The following EPHA8 variants were observed in gnomAD, a reference collection of about 807,000 sequenced individuals.
EPHA8 encodes the protein ephrin type-A receptor 8.
EPHA8 carries 58 observed loss-of-function variants against 103.6 expected under a neutral mutation model. The ratio of observed to expected loss-of-function variants is 0.56; its 90% CI spans 0.45 to 0.70. The LOEUF is 0.70. EPHA8 is among the 30% of genes least tolerant of loss of function. The pLI, the probability that EPHA8 is intolerant of heterozygous loss-of-function variation, is 0.00. For missense variants in EPHA8, 1,304 were observed against 1,395.2 expected, an observed-to-expected ratio of 0.93 and a Z score of 1.04; for synonymous variants, 559 against 572.5, an observed-to-expected ratio of 0.98 and a Z score of 0.34.
Position 22,579,138 on chromosome 1 carries a change from TGTGC to T in EPHA8, c.823+2259_823+2262del, listed in dbSNP as rs1285334127. 1.0e-3 allele frequency among the ~76,000 whole-genome samples: 155 copies of T among 151,858 alleles called. 3 individuals are homozygous for T. The East Asian group carries it at 0.024, about 24-fold the overall frequency. On this transcript the variant is annotated intron_variant, in intron 3 of 16. Transcript: ENST00000166244. ...GTGTACGTGTATGTGTGCATGTGTG[TGTGC>T]ATATGTGCAAGAGTGTATGTATGCA... is the stretch of plus-strand genomic sequence containing the variant.
At chr1:22,572,301 C>G (rs545525891) in intron 2 of EPHA8, among the ~76,000 whole-genome samples, 7 of 152,362 alleles carry the variant, frequency 4.6e-5, no homozygotes, top group Middle Eastern at 3.4e-3. Context: ...AGATTACTTA[C>G]TTCGCCTCCA....
intron 2 of EPHA8, among the ~76,000 whole-genome samples, chr1:22,570,382 A>ACG (rs201751155): frequency 1.3e-4 from 12 of 91,792 alleles, no homozygotes; most frequent in Non-Finnish European, 2.1e-4. Context: ...GCGTACACAC[A>ACG]CGCGCGCGCG....
chr1:22,570,825 C>T (rs1640523600), intron 2 of EPHA8, among the ~76,000 whole-genome samples: 1 of 152,232 alleles, frequency 6.6e-6, no homozygotes, highest in Admixed American at 6.5e-5. Flanking sequence ...TTGAGGTGTC[C>T]CTTTACCTCC....
At chr1:22,575,999 A>G (rs535858749) in intron 2 of EPHA8, among the ~76,000 whole-genome samples, 2 of 151,894 alleles carry the variant, frequency 1.3e-5, no homozygotes, top group South Asian at 2.1e-4. Context: ...CAGAGCCTCT[A>G]CTTCCTCATC....
chr1:22,595,669 T>C (rs974690676), intron 8 of EPHA8, among the ~76,000 whole-genome samples: 54 of 152,144 alleles, frequency 3.5e-4, no homozygotes, highest in African/African-American at 1.3e-3. Context: ...CAGGATAGTG[T>C]GTGGGCTTGG....
chr1:22,589,078 G>T lies in EPHA8; in HGVS notation c.1187G>T (p.Ser396Ile), dbSNP rs1557572182. The T allele has an allele frequency of 2.5e-6, 4 of 1,613,456 alleles. No individual in the cohort carries two copies. Among genetic ancestry groups the T allele is most frequent in the Non-Finnish European group, 3.4e-6 (4 of 1,179,778 alleles). Residue 396 changes from serine (S) to isoleucine (I), a missense_variant, in exon 5 of 17, where the codon AGC (serine) becomes ATC (isoleucine). Physicochemically the swap from Ser to Ile is moderately radical, Grantham distance 142 (BLOSUM62 -2). Coordinates refer to ENST00000166244, the MANE Select transcript of EPHA8 (RefSeq NM_020526.5). This position sits in a 1 kb window ranked among gnomAD's most constrained non-coding sequence, Gnocchi z 4.3. ...VPQQTSLVQA[S>I]LLVANLLAHM... Reference sequence around the variant, plus strand: ...CAGCAGACAAGCCTGGTGCAGGCCAGCCTGCTGGTGGCCAACCTGCTGGCC... The same window carrying T: ...CAGCAGACAAGCCTGGTGCAGGCCATCCTGCTGGTGGCCAACCTGCTGGCC...
chr1:22,591,107 G>A (rs1320640197), intron 5 of EPHA8, among the ~76,000 whole-genome samples: 2 of 152,048 alleles, frequency 1.3e-5, no homozygotes, highest in Admixed American at 6.6e-5. Context: ...ATAGAAGTGA[G>A]GGCTGGGTGT....
intron 3 of EPHA8, among the ~76,000 whole-genome samples, chr1:22,583,750 G>A (rs1641111014): frequency 6.6e-6 from 1 of 152,214 alleles, no homozygotes; most frequent in African/African-American, 2.4e-5. Context: ...TAATGTCACT[G>A]AGCTCAGATA....
At chr1:22,587,463 C>T (rs1391392977) in intron 4 of EPHA8, among the ~76,000 whole-genome samples, 1 of 152,146 alleles carries the variant, frequency 6.6e-6, no homozygotes, top group African/African-American at 2.4e-5. Context: ...TGCATGTGCA[C>T]GTGCCCTGTG....
In EPHA8 at chr1:22,593,376, GTC is replaced by G; in HGVS notation, c.1369_1370del (p.Ser457AlafsTer17). The G allele has an allele frequency of 1.3e-6, 2 of 1,592,338 alleles. No individual in the cohort carries two copies. Among genetic ancestry groups the G allele is most frequent in the Non-Finnish European group, 1.7e-6 (2 of 1,169,956 alleles). ...IRQERAGQTSVSLLWQEPEQP... is the reference protein window; with the variant it reads ...IRQERAGQTSXSLLWQEPEQP... Reference sequence around the variant, plus strand: ...TCAAGAGCGGGCGGGGCAGACCAGCGTCTCGCTGCTGTGGCAGGAGCCCGAGC... The same window carrying G: ...TCAAGAGCGGGCGGGGCAGACCAGCGTCGCTGCTGTGGCAGGAGCCCGAGC... On this transcript the variant is annotated frameshift_variant, in exon 6 of 17. Coordinates refer to ENST00000166244, the MANE Select transcript of EPHA8 (RefSeq NM_020526.5). LOFTEE classifies it high-confidence loss of function.
chr1:22,594,040 C>T (rs974297312), intron 7 of EPHA8, among the ~76,000 whole-genome samples: 1 of 152,238 alleles, frequency 6.6e-6, no homozygotes, highest in African/African-American at 2.4e-5. Flanking sequence ...ACCATCTTGG[C>T]CAGGCTGGTC....
At position 22,601,417 on chromosome 1, in the gene EPHA8, C is replaced by G. The variant is rs565216451; in HGVS notation, c.2847C>G (p.Asp949Glu). ...CCATCCGCATGGGCCGGTACCGAGACCACTTCGCTGCGGGCGGATACTCCT... is the reference window on the plus strand; with the variant it reads ...CCATCCGCATGGGCCGGTACCGAGAGCACTTCGCTGCGGGCGGATACTCCT... Reference protein sequence around the residue: ...LDSIRMGRYRDHFAAGGYSSL... With the variant: ...LDSIRMGRYREHFAAGGYSSL... The change falls in exon 16 of 17, where the codon GAC (aspartate) becomes GAG (glutamate). Residue 949 changes from aspartate (D) to glutamate (E), a missense_variant. Physicochemically the swap from Asp to Glu is conservative, Grantham distance 45. Coordinates refer to ENST00000166244, the MANE Select transcript of EPHA8 (RefSeq NM_020526.5). 1.9e-6 allele frequency: 3 copies of G among 1,611,340 alleles called. No individual in the cohort carries two copies. The African/African-American group carries it at 4.0e-5, about 21-fold the overall frequency.
At chr1:22,578,306 G>C (rs901371421) in intron 3 of EPHA8, among the ~76,000 whole-genome samples, 4 of 150,684 alleles carry the variant, frequency 2.7e-5, no homozygotes, top group Non-Finnish European at 5.9e-5. Context: ...GTCTATGCCT[G>C]TGTGCATATG....
chr1:22,586,254 C>CCTCA (rs1641201833), intron 3 of EPHA8, among the ~76,000 whole-genome samples: 1 of 152,128 alleles, frequency 6.6e-6, no homozygotes, highest in Non-Finnish European at 1.5e-5. Flanking sequence ...AGGGTCTGAA[C>CCTCA]CTCAGCTCTG....
chr1:22,594,970 A>T (rs11801773), intron 7 of EPHA8, among the ~76,000 whole-genome samples: 1 of 152,128 alleles, frequency 6.6e-6, no homozygotes, highest in Admixed American at 6.5e-5. Context: ...CTTCTCCGGT[A>T]CCACAGCCAC....
Position 22,576,107 on chromosome 1 carries a change from C to A in EPHA8, c.160-110C>A. On this transcript the variant is annotated intron_variant, in intron 2 of 16. Transcript: ENST00000166244. The surrounding 1 kb of genome is among the most constrained non-coding windows in gnomAD (Gnocchi z 4.8). ...CATCTAGTAGCCACCAGGAGGCCAGCTCCTTTGTCTTTTTTTTTGCCAGCG... is the reference window on the plus strand; with the variant it reads ...CATCTAGTAGCCACCAGGAGGCCAGATCCTTTGTCTTTTTTTTTGCCAGCG... The A allele has an allele frequency of 7.6e-7, 1 of 1,319,068 alleles. No individual in the cohort carries two copies. Among genetic ancestry groups the A allele is most frequent in the Non-Finnish European group, 1.0e-6 (1 of 958,548 alleles). 81.7% of individuals were successfully genotyped at this position (1,319,068 alleles called of 1,614,324 possible).
At chr1:22,592,343 G>A (rs1273756901) in intron 5 of EPHA8, among the ~76,000 whole-genome samples, 1 of 152,104 alleles carries the variant, frequency 6.6e-6, no homozygotes, top group Non-Finnish European at 1.5e-5. Context: ...CTGGCAAGTG[G>A]TGCTCACTAG....
Position 22,600,940 on chromosome 1 carries a change from A to G in EPHA8, c.2581A>G (p.Met861Val), listed in dbSNP as rs776137702. 6.8e-6 allele frequency: 11 copies of G among 1,612,478 alleles called. No individual in the cohort carries two copies. Among genetic ancestry groups the G allele is most frequent in the Admixed American group, 1.7e-5 (1 of 59,928 alleles). Residue 861 changes from methionine to valine, a missense_variant, in exon 15 of 17, where the codon ATG (methionine) becomes GTG (valine). Coordinates refer to ENST00000166244, the MANE Select transcript of EPHA8 (RefSeq NM_020526.5). The part of the protein sequence containing the change: ...VEEGYRLPAP[M>V]GCPHALHQLM... ...GGAGGGGTACCGCCTGCCCGCACCCATGGGCTGCCCCCACGCCCTGCACCA... is the reference window on the plus strand; with the variant it reads ...GGAGGGGTACCGCCTGCCCGCACCCGTGGGCTGCCCCCACGCCCTGCACCA...
At position 22,569,973 on chromosome 1, in the gene EPHA8, T is replaced by C. The variant is rs1470348585; in HGVS notation, c.159+620T>C. On this transcript the variant is annotated intron_variant, in intron 2 of 16. Coordinates refer to ENST00000166244, the MANE Select transcript of EPHA8 (RefSeq NM_020526.5). This position sits in a 1 kb window ranked among gnomAD's most constrained non-coding sequence, Gnocchi z 4.5. ...CGCGAGCCTGGTGAGATCCCAGCTC[T>C]GCCCTTGACAAGCAGGTGGACTTGG... 1.3e-5 allele frequency among the ~76,000 whole-genome samples: 2 copies of C among 152,164 alleles called. No individual in the cohort carries two copies. Among genetic ancestry groups the C allele is most frequent in the Non-Finnish European group, 2.9e-5 (2 of 68,020 alleles).
Sources: allele counts gnomAD v4.1 joint callset (sites outside exome capture counted in the v4.1 genomes callset), GRCh38; gene constraint gnomAD v4.1.1; non-coding constraint Gnocchi (gnomAD v3.1); transcripts MANE v1.5; gene names NCBI Gene and HGNC (gene_info 2026-07-23, HGNC 2026-07-21).